The following DHODH variants were observed in gnomAD, a reference collection of about 807,000 sequenced individuals.
DHODH encodes the protein dihydroorotate dehydrogenase (quinone), mitochondrial.
DHODH carries 30 observed loss-of-function variants against 39.7 expected under a neutral mutation model. That is an observed-to-expected ratio of 0.76 (90% confidence interval 0.57 to 1.02). DHODH has a LOEUF of 1.02. DHODH is among the 50% of genes least tolerant of loss of function. The pLI is 0.00. For missense variants in DHODH, 531 were observed against 520.8 expected, an observed-to-expected ratio of 1.02 and a Z score of -0.19; for synonymous variants, 222 against 213.8, an observed-to-expected ratio of 1.04 and a Z score of -0.34.
chr16:72,019,032 A>G (rs1440402471), intron 4 of DHODH, among the ~76,000 whole-genome samples: 2 of 152,218 alleles, frequency 1.3e-5, no homozygotes, highest in African/African-American at 4.8e-5. Context: ...CTCAGCTCAC[A>G]GTAGCCTCCA....
rs760110598 is a variant in DHODH, at chr16:72,024,207, G to A, written c.*8G>A. ...GCAGATCATCGGAGGTGAGGACAGC[G>A]TCTGACGGGAAGCCTGATCTGGAAC... On this transcript the variant is annotated 3_prime_UTR_variant, in exon 9 of 9. Transcript: ENST00000219240. 21 of 1,614,006 alleles carry A rather than the reference G, an allele frequency of 1.3e-5. No homozygotes were observed. The highest frequency in any genetic ancestry group is 2.2e-5 in the South Asian group (2 of 91,086).
chr16:72,026,888 T>G lies in DHODH; in HGVS notation c.*2689T>G, dbSNP rs2144012743. 6.6e-6 allele frequency: 1 copy of G among 152,370 alleles called. No homozygotes were observed. The highest frequency in any genetic ancestry group is 2.4e-5 in the African/African-American group (1 of 41,174). The allele number at this position is 152,370 out of a possible 1,614,324, so 9.4% of individuals were successfully genotyped here. ...TCACTGCAACCTCTGTCTCCCGGGT[T>G]CAAGCAATTCTTCTGCCTCAGCCTC... On this transcript the variant is annotated 3_prime_UTR_variant, in exon 9 of 9. Coordinates refer to ENST00000219240, the MANE Select transcript of DHODH (RefSeq NM_001361.5).
At chr16:72,009,168 G>A (rs925030068) in intron 1 of DHODH, 2 of 1,108,370 alleles carry the variant, frequency 1.8e-6, no homozygotes, top group Admixed American at 4.4e-5. Context: ...GTTAGGGGCG[G>A]GGGTCTCTGT....
chr16:72,012,449 G>C (rs1051817268), intron 2 of DHODH, among the ~76,000 whole-genome samples, 187 bp downstream of exon 2: 15 of 152,196 alleles, frequency 9.9e-5, no homozygotes, highest in African/African-American at 3.6e-4. Flanking sequence ...TTACGTATAT[G>C]GGATTGTGTT....
chr16:72,015,914 G>T (rs2041137011), intron 3 of DHODH: 21 of 973,650 alleles, frequency 2.2e-5, no homozygotes, highest in Non-Finnish European at 2.6e-5. Context: ...CATCAGATAT[G>T]TGTGCCAGTG....
rs2041284899 is a variant in DHODH at position 72,027,231 on chromosome 16, C to G, written c.*3032C>G. 6.6e-6 allele frequency: 1 copy of G among 152,284 alleles called. No homozygotes were observed. Among genetic ancestry groups the G allele is most frequent in the Non-Finnish European group, 1.5e-5 (1 of 68,156 alleles). 9.4% of individuals were successfully genotyped at this position (152,284 alleles called of 1,614,324 possible). A position where few individuals can be genotyped will look rare whatever the true frequency, so the allele number is the denominator to read the frequency against. ...CCAGGATGGTTCGATCTCCTGACCTCATGATCTGGCCGCCTCAGTCTCCCA... is the reference window on the plus strand; with the variant it reads ...CCAGGATGGTTCGATCTCCTGACCTGATGATCTGGCCGCCTCAGTCTCCCA... On this transcript the variant is annotated 3_prime_UTR_variant, in exon 9 of 9. Coordinates refer to ENST00000219240, the MANE Select transcript of DHODH (RefSeq NM_001361.5).
rs139977315 is a variant in DHODH, at chr16:72,023,828, C to T, written c.1133+195C>T. ...AATGCCAAGGAGAACTGAGGATTAA[C>T]CTCCAAGGCAATGGTGTTTCTAAGG... is the stretch of plus-strand genomic sequence containing the variant. On this transcript the variant is annotated intron_variant, in intron 8 of 8. Coordinates refer to ENST00000219240, the MANE Select transcript of DHODH (RefSeq NM_001361.5). 7.2e-5 allele frequency among the ~76,000 whole-genome samples: 11 copies of T among 152,302 alleles called. No individual in the cohort carries two copies. In the South Asian group the frequency reaches 1.2e-3, roughly 17 times the overall value.
In DHODH at chr16:72,017,102, A is replaced by G. The variant is rs770856577; in HGVS notation, c.513A>G (p.Thr171=). ...RARQQKQAKL[T]EDGLPLGVNL... ...GACAGCAGAAGCAGGCCAAGCTCAC[A>G]GAAGGTAAAGTGGGGTTGTGTCAGT... The change falls in exon 4 of 9, where the codon ACA becomes ACG. Residue 171 remains threonine (T), a synonymous_variant. Transcript: ENST00000219240. 26 of 1,613,966 alleles carry G rather than the reference A, an allele frequency of 1.6e-5. No individual in the cohort carries two copies. Among genetic ancestry groups the G allele is most frequent in the South Asian group, 2.2e-5 (2 of 91,090 alleles).
chr16:72,014,157 T>A (rs111699168), intron 2 of DHODH, among the ~76,000 whole-genome samples: 21 of 152,218 alleles, frequency 1.4e-4, no homozygotes, highest in Admixed American at 3.3e-4. Flanking sequence ...TTAACCACAA[T>A]TGGAAAAGAC....
chr16:72,017,146 A>T (rs1394904512), intron 4 of DHODH, 40 bp downstream of exon 4: 2 of 1,586,410 alleles, frequency 1.3e-6, no homozygotes, highest in Non-Finnish European at 1.7e-6. Context: ...CTTATTTATT[A>T]GGAGGAAACG....
At chr16:72,013,114 A>G (rs1238499270) in intron 2 of DHODH, among the ~76,000 whole-genome samples, 1 of 152,204 alleles carries the variant, frequency 6.6e-6, no homozygotes, top group Non-Finnish European at 1.5e-5. Flanking sequence ...GGTCACTGTT[A>G]TAAATTAAAG....
intron 4 of DHODH, among the ~76,000 whole-genome samples, chr16:72,019,335 AGT>A (rs1039050015): frequency 4.8e-4 from 73 of 152,162 alleles, no homozygotes; most frequent in African/African-American, 1.7e-3. Context: ...ATGATGCGAG[AGT>A]GTGATTGGGG....
At chr16:72,021,742 C>T (rs1377906880) in intron 5 of DHODH, among the ~76,000 whole-genome samples, 1 of 152,162 alleles carries the variant, frequency 6.6e-6, no homozygotes. Flanking sequence ...GCAGGTGGAT[C>T]ACTTATAACC....
At position 72,016,898 on chromosome 16, in the gene DHODH, A is replaced by G. The variant is rs542706964; in HGVS notation, c.435-126A>G. On this transcript the variant is annotated intron_variant, in intron 3 of 8. Transcript: ENST00000219240. ...TTCTCTAGGAGTCCCAGTGGTGTTT[A>G]GACCCTGGAAGTGTAAGAACTGACT... The G allele has an allele frequency of 9.8e-6, 8 of 820,126 alleles. No homozygotes were observed. In the African/African-American group the frequency reaches 1.2e-4, roughly 12 times the overall value. The allele number at this position is 820,126 out of a possible 1,614,324, so 50.8% of individuals were successfully genotyped here. A position where few individuals can be genotyped will look rare whatever the true frequency, so the allele number is the denominator to read the frequency against.
rs540438523 is a variant in DHODH at position 72,021,031 on chromosome 16, C to A, written c.518-93C>A. ...GTCAGGTTTGGAGGGAAGGCCTGCG[C>A]GGCTGTCCACAGGTGGTTTGGTCAA... On this transcript the variant is annotated intron_variant, in intron 4 of 8. Coordinates refer to ENST00000219240, the MANE Select transcript of DHODH (RefSeq NM_001361.5). 9 of 1,313,580 alleles carry A rather than the reference C, an allele frequency of 6.9e-6. 1 individual carries two copies. In the Middle Eastern group the frequency reaches 6.0e-4, roughly 87 times the overall value. 81.4% of individuals were successfully genotyped at this position (1,313,580 alleles called of 1,614,324 possible).
Position 72,027,000 on chromosome 16 carries a change from TG to T in DHODH, c.*2802del, listed in dbSNP as rs1567576056. 0.18 allele frequency: 18,728 copies of T among 103,486 alleles called. 1,769 individuals are homozygous for T. The highest frequency in any genetic ancestry group is 0.28 in the South Asian group (609 of 2,152). 6.4% of individuals were successfully genotyped at this position (103,486 alleles called of 1,614,324 possible). A position where few individuals can be genotyped will look rare whatever the true frequency, so the allele number is the denominator to read the frequency against. Reference sequence around the variant, plus strand: ...GTGTGTGTGTGTGTGTGTGTGTGTGTGTGTGTGTGTTTTTGAGATGGAGTCC... The same window carrying T: ...GTGTGTGTGTGTGTGTGTGTGTGTGTTGTGTGTGTTTTTGAGATGGAGTCC... On this transcript the variant is annotated 3_prime_UTR_variant, in exon 9 of 9. Coordinates refer to ENST00000219240, the MANE Select transcript of DHODH (RefSeq NM_001361.5).
chr16:72,009,690 C>G (rs1231765598), intron 1 of DHODH, among the ~76,000 whole-genome samples: 1 of 151,870 alleles, frequency 6.6e-6, no homozygotes, highest in African/African-American at 2.4e-5. Flanking sequence ...TCTTGGCTCA[C>G]TGCAACCTCC....
intron 5 of DHODH, 127 bp from the exon 6 acceptor site, chr16:72,022,235 A>G: frequency 1.4e-6 from 1 of 734,524 alleles, no homozygotes; most frequent in South Asian, 1.5e-5. Flanking sequence ...GGCTTTCCTG[A>G]AAAGAAATTG....
At chr16:72,016,846 C>T in intron 3 of DHODH, 178 bp from the exon 4 acceptor site, 2 of 646,896 alleles carry the variant, frequency 3.1e-6, no homozygotes, top group Admixed American at 4.6e-5. Flanking sequence ...TAATCTTTCC[C>T]TGGGTATTGG....
Sources: gnomAD v4.1 joint callset for allele counts (sites outside exome capture counted in the v4.1 genomes callset) on GRCh38, gnomAD v4.1.1 for gene constraint, MANE v1.5 for transcripts, NCBI Gene and HGNC (gene_info 2026-07-23, HGNC 2026-07-21) for gene names.